Variants in TTC27 observed in about 807,000 individuals in gnomAD.
TTC27 encodes tetratricopeptide repeat domain 27.
Under a neutral mutation model 115.9 loss-of-function variants are expected in TTC27, and 79 were observed. That is an observed-to-expected ratio of 0.68 (90% CI 0.57 to 0.82). The LOEUF (loss-of-function observed/expected upper bound fraction) is 0.82. Ranked by LOEUF, TTC27 falls within the 40% of genes least tolerant of loss-of-function variation. The probability of loss-of-function intolerance (pLI) is 0.00; values close to 1 mark genes in which losing one functional copy is unlikely to be tolerated. For synonymous variants in TTC27, 401 were observed against 356.0 expected (o/e 1.13, Z -1.42); for missense variants, 1,054 against 993.1 (o/e 1.06, Z -0.82).
intron 10 of TTC27, chr2:32,705,068 C>A: frequency 2.5e-6 from 1 of 397,004 alleles, no homozygotes; most frequent in Non-Finnish European, 5.2e-6. Flanking sequence ...GAGATGGGGC[C>A]TGGTGGGGGG....
chr2:32,711,116 C>CAAAAAAA (rs34140897), intron 10 of TTC27, among the ~76,000 whole-genome samples: 9 of 59,908 alleles, frequency 1.5e-4, no homozygotes, highest in East Asian at 5.8e-4. Context: ...GACTCTGTCT[C>CAAAAAAA]AAAAAAAAAA....
At chr2:32,640,139 A>G (rs1572465013) in intron 3 of TTC27, 131 bp from the exon 4 acceptor site, 1 of 823,078 alleles carries the variant, frequency 1.2e-6, no homozygotes, top group Non-Finnish European at 1.9e-6. Context: ...TCCAGTGCCA[A>G]TTGCTGTGTA....
At chr2:32,668,581 C>CCTTCCTTCCTTCCTTCCTTT (rs1370151934) in intron 7 of TTC27, among the ~76,000 whole-genome samples, 60 of 121,624 alleles carry the variant, frequency 4.9e-4, no homozygotes, top group Non-Finnish European at 8.7e-4. Context: ...TTCCTTCCTT[C>CCTTCCTTCCTTCCTTCCTTT]CTTCCTTCCT....
intron 13 of TTC27, among the ~76,000 whole-genome samples, chr2:32,767,651 C>T (rs1384174985): frequency 3.3e-5 from 5 of 150,876 alleles, no homozygotes; most frequent in East Asian, 1.9e-4. Context: ...TTAGTAGAGA[C>T]GGGGTTTCAC....
chr2:32,644,460 G>T (rs1012360746), intron 4 of TTC27, among the ~76,000 whole-genome samples: 33 of 152,038 alleles, frequency 2.2e-4, no homozygotes, highest in African/African-American at 7.5e-4. Flanking sequence ...TGTCATTCTT[G>T]TAGGGTTGCA....
At chr2:32,806,995 G>A (rs557143089) in intron 16 of TTC27, among the ~76,000 whole-genome samples, 3 of 151,968 alleles carry the variant, frequency 2.0e-5, no homozygotes, top group East Asian at 3.9e-4. Flanking sequence ...TTTTTTCTTC[G>A]TGAAAACACC....
intron 10 of TTC27, chr2:32,704,871 A>T (rs372299326): frequency 2.8e-5 from 13 of 471,284 alleles, no homozygotes; most frequent in Admixed American, 1.6e-4. Flanking sequence ...GTGGCACATG[A>T]TGTTCACTTA....
At chr2:32,697,151 C>T (rs941287694) in intron 9 of TTC27, among the ~76,000 whole-genome samples, 1 of 151,006 alleles carries the variant, frequency 6.6e-6, no homozygotes, top group African/African-American at 2.4e-5. Context: ...GAGACTGCAC[C>T]ACTGCACTCT....
Position 32,782,687 on chromosome 2 carries a change from A to T in TTC27, c.1832+9A>T. 6.2e-7 allele frequency: 1 copy of T among 1,603,130 alleles called. No homozygotes were observed. Among genetic ancestry groups the T allele is most frequent in the Non-Finnish European group, 8.5e-7 (1 of 1,172,546 alleles). ...ATCCGATTAAAACAAAAGTAAGTAC[A>T]TCAGACAAATATGAAGAAATTTGCT... On this transcript the variant is annotated intron_variant, in intron 15 of 19. Coordinates refer to ENST00000317907, the MANE Select transcript of TTC27 (RefSeq NM_017735.5).
chr2:32,770,194 C>G (rs532944097), intron 13 of TTC27, among the ~76,000 whole-genome samples: 1 of 152,316 alleles, frequency 6.6e-6, no homozygotes, highest in South Asian at 2.1e-4. Flanking sequence ...AGAATAGCAA[C>G]TAATGCTGAG....
chr2:32,640,806 A>C, intron 4 of TTC27, among the ~76,000 whole-genome samples: 1 of 152,114 alleles, frequency 6.6e-6, no homozygotes, highest in East Asian at 1.9e-4. Context: ...AACATGGTGA[A>C]ACCCCATCTC....
chr2:32,776,806 C>A (rs1670010470), intron 13 of TTC27, among the ~76,000 whole-genome samples: 4 of 152,104 alleles, frequency 2.6e-5, no homozygotes, highest in Admixed American at 2.6e-4. Context: ...ACGGGGGCTT[C>A]ACCATGTTGG....
intron 10 of TTC27, among the ~76,000 whole-genome samples, chr2:32,706,082 T>G (rs1667357990): frequency 8.6e-6 from 1 of 116,148 alleles, no homozygotes; most frequent in Admixed American, 8.4e-5. Flanking sequence ...TTACTCTTTT[T>G]TTTTTTTTTT....
At chr2:32,665,008 AT>A (rs112002677) in intron 6 of TTC27, among the ~76,000 whole-genome samples, 6 of 144,200 alleles carry the variant, frequency 4.2e-5, no homozygotes, top group South Asian at 2.2e-4. Context: ...AATTTTTTTT[AT>A]TTTTTTTTTG....
chr2:32,673,193 T>A (rs1666073750), intron 8 of TTC27, among the ~76,000 whole-genome samples: 1 of 151,572 alleles, frequency 6.6e-6, no homozygotes, highest in Admixed American at 6.6e-5. Flanking sequence ...TTGTCTGATT[T>A]TTTTTTTTTA....
chr2:32,801,531 A>G (rs774712538), intron 16 of TTC27, among the ~76,000 whole-genome samples: 1 of 152,184 alleles, frequency 6.6e-6, no homozygotes, highest in Non-Finnish European at 1.5e-5. Context: ...AACTAGTTAC[A>G]TTGCAAAGAC....
At chr2:32,633,570 A>G (rs4952343) in intron 2 of TTC27, among the ~76,000 whole-genome samples, 60,099 of 151,690 alleles carry the variant, frequency 0.4, 12,006 homozygotes, top group Non-Finnish European at 0.44. Flanking sequence ...ATGCCGGCTA[A>G]CTTTTAATTT....
intron 9 of TTC27, among the ~76,000 whole-genome samples, chr2:32,699,095 C>A (rs1382721385): frequency 6.6e-6 from 1 of 152,198 alleles, no homozygotes; most frequent in African/African-American, 2.4e-5. Flanking sequence ...AGAAAAGTCT[C>A]TTTCTTTGTC....
intron 10 of TTC27, among the ~76,000 whole-genome samples, chr2:32,726,990 G>T (rs926559745): frequency 6.6e-6 from 1 of 152,092 alleles, no homozygotes; most frequent in South Asian, 2.1e-4. Context: ...TCACAGTCAC[G>T]AGAACAGCAC....
Sources: allele counts gnomAD v4.1 joint callset (sites outside exome capture counted in the v4.1 genomes callset), GRCh38; gene constraint gnomAD v4.1.1; transcripts MANE v1.5; gene names NCBI Gene and HGNC (gene_info 2026-07-23, HGNC 2026-07-21).